The following GSDMB variants were observed in gnomAD, a reference collection of about 807,000 sequenced individuals.
GSDMB encodes the protein gasdermin B.
Under a neutral mutation model 42.9 loss-of-function variants are expected in GSDMB, and 32 were observed. That is an observed-to-expected ratio of 0.75 (90% CI 0.56 to 1.00). The LOEUF is 1.00. Among genes scored for constraint, GSDMB ranks in the 50% least tolerant of loss-of-function variants. The probability of loss-of-function intolerance (pLI) is 0.00; values close to 1 mark genes in which losing one functional copy is unlikely to be tolerated. For synonymous variants in GSDMB, 175 were observed against 193.7 expected, an observed-to-expected ratio of 0.90 and a Z score of 0.80; for missense variants, 468 against 498.5, an observed-to-expected ratio of 0.94 and a Z score of 0.58.
At chr17:39,905,115 C>G in intron 10 of GSDMB, 151 bp from the exon 11 acceptor site, 1 of 701,348 alleles carries the variant, frequency 1.4e-6, no homozygotes. Flanking sequence ...GAGCTTCATA[C>G]TCTCTCAACA....
At chr17:39,914,875 G>A (rs111976978) in intron 2 of GSDMB, among the ~76,000 whole-genome samples, 3,080 of 141,272 alleles carry the variant, frequency 0.022, 109 homozygotes, top group African/African-American at 0.075. Context: ...TTGCTTTGTC[G>A]CCAGGCTGGA....
chr17:39,912,617 G>A, intron 2 of GSDMB, 120 bp from the exon 3 acceptor site: 1 of 745,186 alleles, frequency 1.3e-6, no homozygotes, highest in Non-Finnish European at 2.3e-6. Flanking sequence ...CCCTTCTGAG[G>A]GAGCGCCACA....
At chr17:39,906,481 C>T in intron 7 of GSDMB, 1 of 1,119,444 alleles carries the variant, frequency 8.9e-7, no homozygotes, top group Non-Finnish European at 1.2e-6. Context: ...ATCTCCCCAG[C>T]TCACCCCCAG....
intron 3 of GSDMB, among the ~76,000 whole-genome samples, chr17:39,911,935 C>CA (rs1224196294): frequency 1.6e-3 from 211 of 134,642 alleles, no homozygotes; most frequent in Middle Eastern, 3.8e-3. Flanking sequence ...GACTCCGTCT[C>CA]AAAAAAAAAC....
intron 2 of GSDMB, among the ~76,000 whole-genome samples, chr17:39,914,631 C>T (rs2063673326): frequency 6.6e-6 from 1 of 151,690 alleles, no homozygotes; most frequent in African/African-American, 2.4e-5. Flanking sequence ...GGTGTGGTGG[C>T]AGGCACCTAT....
chr17:39,912,507 G>C lies in GSDMB; in HGVS notation c.236-10C>G, dbSNP rs752583372. On this transcript the variant is annotated splice_polypyrimidine_tract_variant and intron_variant, in intron 2 of 10. Coordinates refer to ENST00000418519, the MANE Select transcript of GSDMB (RefSeq NM_001165958.2). ...AACTCAGCCTTTTGACCTGGAAAGA[G>C]AATGATAAAGGTCACTCTGGAGCAG... 1 of 1,605,588 alleles carries C rather than the reference G, an allele frequency of 6.2e-7. No individual in the cohort carries two copies. The highest frequency in any genetic ancestry group is 8.5e-7 in the Non-Finnish European group (1 of 1,172,324).
chr17:39,908,071 C>T (rs2063536921), intron 6 of GSDMB, 105 bp downstream of exon 6: 5 of 731,608 alleles, frequency 6.8e-6, no homozygotes, highest in African/African-American at 3.5e-5. Context: ...CCTGTGGGTG[C>T]GTCTTACCAC....
In GSDMB at chr17:39,909,807, T is replaced by C. The variant is rs777856480; in HGVS notation, c.525A>G (p.Gln175=). 4 of 1,614,172 alleles carry C rather than the reference T, an allele frequency of 2.5e-6. No homozygotes were observed. In the South Asian group the frequency reaches 4.4e-5, roughly 18 times the overall value. Residue 175 remains glutamine (Q), a synonymous_variant, in exon 4 of 11, where the codon CAA becomes CAG. Coordinates refer to ENST00000418519, the MANE Select transcript of GSDMB (RefSeq NM_001165958.2). ...GAGAGATCTGGCTCCAAAATTTATA[T>C]TGCCGGTCGCTTTTCAGGGTTTCCT... ...VKEETLKSDR[Q]YKFWSQISQG... is the part of the protein sequence containing the mutation.
intron 2 of GSDMB, among the ~76,000 whole-genome samples, chr17:39,913,122 C>G (rs2063643821): frequency 1.3e-5 from 2 of 150,164 alleles, no homozygotes; most frequent in African/African-American, 4.9e-5. Context: ...CAAAACAAAA[C>G]AAAACAAAAC....
intron 2 of GSDMB, among the ~76,000 whole-genome samples, chr17:39,915,719 T>C (rs1489595174): frequency 1.1e-4 from 16 of 152,126 alleles, no homozygotes; most frequent in Non-Finnish European, 2.1e-4. Flanking sequence ...CAAAAGCCCC[T>C]TGCTTGCTTA....
chr17:39,916,198 C>T (rs1303582498), intron 2 of GSDMB, among the ~76,000 whole-genome samples: 4 of 151,978 alleles, frequency 2.6e-5, no homozygotes, highest in Non-Finnish European at 5.9e-5. Context: ...GAATCACCAC[C>T]GACCTGGGAG....
At chr17:39,907,131 GT>G in intron 6 of GSDMB, 144 bp from the exon 7 acceptor site, 1 of 1,485,910 alleles carries the variant, frequency 6.7e-7, no homozygotes, top group African/African-American at 1.4e-5. Flanking sequence ...TCACCAGCGT[GT>G]GTCAATGGGA....
At chr17:39,907,254 A>C in intron 6 of GSDMB, 1 of 1,254,446 alleles carries the variant, frequency 8.0e-7, no homozygotes, top group Non-Finnish European at 1.0e-6. Flanking sequence ...GCATACACTC[A>C]GTCGCTCCGC....
intron 4 of GSDMB, 112 bp from the exon 5 acceptor site, chr17:39,909,154 G>C (rs1047212612): frequency 1.5e-6 from 1 of 654,724 alleles, no homozygotes; most frequent in Non-Finnish European, 2.7e-6. Flanking sequence ...TTTTATAGAC[G>C]AGAAAACTGA....
In GSDMB at chr17:39,909,939, G is replaced by A. The variant is rs111605941; in HGVS notation, c.408-15C>T. The A allele has an allele frequency of 6.2e-7, 1 of 1,604,778 alleles. No homozygotes were observed. The highest frequency in any genetic ancestry group is 8.5e-7 in the Non-Finnish European group (1 of 1,172,268). ...TCTTCAGCTTCCTGGAGAGAGTGGA[G>A]AGAGATGAGAGTTAAGGATCTCAGG... On this transcript the variant is annotated splice_polypyrimidine_tract_variant and intron_variant, in intron 3 of 10. Transcript: ENST00000418519.
intron 3 of GSDMB, among the ~76,000 whole-genome samples, chr17:39,912,120 G>C (rs870830): frequency 2.0e-5 from 3 of 151,960 alleles, no homozygotes; most frequent in African/African-American, 7.2e-5. Flanking sequence ...GCGTGCTTGC[G>C]TAAAGGGGAG....
chr17:39,912,750 C>T (rs1342716249), intron 2 of GSDMB, among the ~76,000 whole-genome samples: 1 of 152,234 alleles, frequency 6.6e-6, no homozygotes, highest in Non-Finnish European at 1.5e-5. Flanking sequence ...GTCACTTAAC[C>T]TCTTTGAATC....
rs1042963279 is a variant in GSDMB at position 39,906,863 on chromosome 17, C to T, written c.727+98G>A. 3.1e-6 allele frequency: 5 copies of T among 1,589,184 alleles called. No individual in the cohort carries two copies. In the African/African-American group the frequency reaches 5.4e-5, roughly 17 times the overall value. ...CTAGGCAGTGCCTCCCGACTTCCTACCCACTCAGCTGACCCCACCTGAGCA... is the reference window on the plus strand; with the variant it reads ...CTAGGCAGTGCCTCCCGACTTCCTATCCACTCAGCTGACCCCACCTGAGCA... On this transcript the variant is annotated intron_variant, in intron 7 of 10. Coordinates refer to ENST00000418519, the MANE Select transcript of GSDMB (RefSeq NM_001165958.2).
intron 1 of GSDMB, 174 bp from the exon 2 acceptor site, chr17:39,917,504 A>G (rs757895963): frequency 5.0e-5 from 29 of 580,564 alleles, no homozygotes; most frequent in Non-Finnish European, 8.0e-5. Context: ...AAGATCCACA[A>G]AAGAAATGAA....
Sources: gnomAD v4.1 joint callset for allele counts (sites outside exome capture counted in the v4.1 genomes callset) on GRCh38, gnomAD v4.1.1 for gene constraint, MANE v1.5 for transcripts, NCBI Gene and HGNC (gene_info 2026-07-23, HGNC 2026-07-21) for gene names.